BDH1: variants seen among roughly 807,000 people sequenced by gnomAD.
The protein encoded by BDH1 is 3-hydroxybutyrate dehydrogenase 1.
Under a neutral mutation model 33.1 loss-of-function variants are expected in BDH1, and 30 were observed. The observed-to-expected ratio is 0.91, with a 90% confidence interval of 0.68 to 1.23. The LOEUF is 1.23. BDH1 is among the 50% of genes most tolerant of loss of function. BDH1 has a pLI of 0.00. For synonymous variants in BDH1, 190 were observed against 183.6 expected (o/e 1.03, Z -0.28); for missense variants, 443 against 464.4 (o/e 0.95, Z 0.42).
At chr3:197,565,047 C>T (rs997394424) in intron 1 of BDH1, among the ~76,000 whole-genome samples, 7 of 152,168 alleles carry the variant, frequency 4.6e-5, no homozygotes, top group Non-Finnish European at 1.0e-4. Context: ...CTCAGCCTCC[C>T]TAGTAGCTGA....
rs1205687344 is a variant in BDH1 at position 197,514,780 on chromosome 3, T to C, written c.410-364A>G. ...CCATCCCCACACCCTGAGTTTGAGT[T>C]TCACGCCCCGTTCCTGTTTACTCAT... is the stretch of plus-strand genomic sequence containing the variant. On this transcript the variant is annotated intron_variant, in intron 6 of 7. Transcript: ENST00000392379. This position sits in a 1 kb window ranked among gnomAD's most constrained non-coding sequence, Gnocchi z 4.2. Among the ~76,000 whole-genome samples, 1 of 152,148 alleles carries C rather than the reference T, an allele frequency of 6.6e-6. No individual in the cohort carries two copies. Among genetic ancestry groups the C allele is most frequent in the African/African-American group, 2.4e-5 (1 of 41,438 alleles).
chr3:197,543,965 G>A (rs1220354352), intron 3 of BDH1, among the ~76,000 whole-genome samples: 1 of 152,134 alleles, frequency 6.6e-6, no homozygotes, highest in East Asian at 1.9e-4. Context: ...CCAAACACAG[G>A]AGGCCTGCTA....
chr3:197,542,679 G>A (rs11718875), intron 3 of BDH1, among the ~76,000 whole-genome samples: 79,498 of 151,484 alleles, frequency 0.52, 22,951 homozygotes, highest in African/African-American at 0.77. Flanking sequence ...ACACGCCACA[G>A]GCCCGGCTAA....
chr3:197,567,617 C>T (rs983529591), intron 1 of BDH1, among the ~76,000 whole-genome samples: 6 of 152,130 alleles, frequency 3.9e-5, no homozygotes, highest in African/African-American at 7.2e-5. Context: ...GGGCACATGT[C>T]GTCAGGACCG....
chr3:197,560,911 A>G (rs1717239863), upstream of BDH1, among the ~76,000 whole-genome samples: 1 of 151,744 alleles, frequency 6.6e-6, no homozygotes. Flanking sequence ...GTGACCTGGA[A>G]CCCACCTCCC....
intron 2 of BDH1, among the ~76,000 whole-genome samples, chr3:197,547,053 C>T (rs1345223938): frequency 1.3e-5 from 2 of 152,188 alleles, no homozygotes; most frequent in African/African-American, 4.8e-5. Context: ...ATCAGTAATT[C>T]ATTATAGCAT....
intron 2 of BDH1, among the ~76,000 whole-genome samples, chr3:197,547,123 C>A (rs570056124): frequency 6.7e-6 from 1 of 149,252 alleles, no homozygotes; most frequent in South Asian, 2.1e-4. Flanking sequence ...CACACCCTCC[C>A]CGCTCCCTCA....
In BDH1 at chr3:197,521,716, A is replaced by G. The variant is rs1432033482; in HGVS notation, c.409+924T>C. Among the ~76,000 whole-genome samples the G allele has an allele frequency of 6.6e-6, 1 of 151,972 alleles. No homozygotes were observed. Among genetic ancestry groups the G allele is most frequent in the South Asian group, 2.1e-4 (1 of 4,812 alleles). On this transcript the variant is annotated intron_variant, in intron 6 of 7. Transcript: ENST00000392379. The surrounding 1 kb of genome is among the most constrained non-coding windows in gnomAD (Gnocchi z 4.9). ...ACTTCGCGCCTCACCTCATCCCCAC[A>G]TCCAAGTCACCAAGTCCAGGCAGCT...
chr3:197,545,585 G>A (rs564570893), intron 3 of BDH1, among the ~76,000 whole-genome samples: 2 of 152,308 alleles, frequency 1.3e-5, no homozygotes, highest in East Asian at 1.9e-4. Flanking sequence ...TGACACCTCC[G>A]AGCCATGTGG....
chr3:197,550,325 C>T (rs1452373368), intron 2 of BDH1, among the ~76,000 whole-genome samples: 2 of 152,198 alleles, frequency 1.3e-5, no homozygotes, highest in African/African-American at 4.8e-5. Flanking sequence ...ACACCTTGAT[C>T]GTCCTGAGAG....
intron 6 of BDH1, among the ~76,000 whole-genome samples, chr3:197,517,456 C>T (rs1193926712): frequency 1.3e-5 from 1 of 76,534 alleles, no homozygotes; most frequent in Non-Finnish European, 2.8e-5. Flanking sequence ...CCCCCTCAGG[C>T]CGACCCCCTC....
chr3:197,526,791 C>A lies in BDH1; in HGVS notation c.268-4010G>T, dbSNP rs1293301740. Among the ~76,000 whole-genome samples the A allele has an allele frequency of 6.6e-6, 1 of 152,302 alleles. No homozygotes were observed. Among genetic ancestry groups the A allele is most frequent in the South Asian group, 2.1e-4 (1 of 4,826 alleles). On this transcript the variant is annotated intron_variant, in intron 5 of 7. Coordinates refer to ENST00000392379, the MANE Select transcript of BDH1 (RefSeq NM_203314.3). This position sits in a 1 kb window ranked among gnomAD's most constrained non-coding sequence, Gnocchi z 4.7. ...GAGCCACTCCTGTCTCAATCTCGGG[C>A]CTTTAGACTTCTTCTGGTGGACATT... is the stretch of plus-strand genomic sequence containing the variant.
rs2108693029 is a variant in BDH1, at chr3:197,511,586, T to G, written c.*309A>C. ...TCATGAGACTGGCTTAAGGATCAAA[T>G]GAGATCTGTTTTTAATATAAAGATG... is the stretch of plus-strand genomic sequence containing the variant. On this transcript the variant is annotated 3_prime_UTR_variant, in exon 8 of 8. Transcript: ENST00000392379. The G allele has an allele frequency of 2.7e-6, 1 of 376,362 alleles. No individual in the cohort carries two copies. The highest frequency in any genetic ancestry group is 4.7e-6 in the Non-Finnish European group (1 of 210,980). 23.3% of individuals were successfully genotyped at this position (376,362 alleles called of 1,614,324 possible).
chr3:197,535,602 A>AGAGCT (rs1223158343), intron 3 of BDH1, among the ~76,000 whole-genome samples: 4 of 152,212 alleles, frequency 2.6e-5, no homozygotes, highest in African/African-American at 4.8e-5. Context: ...CTAACTAGTG[A>AGAGCT]AACCAAGGCT....
Position 197,531,513 on chromosome 3 carries a change from G to GA in BDH1, c.267+898dup, listed in dbSNP as rs569369421. On this transcript the variant is annotated intron_variant, in intron 5 of 7. Transcript: ENST00000392379. ...CAGAATACCACTCAGCAATACAAAG[G>GA]AATGAGCTACTGATGCATTCTGCAA... 1.1e-4 allele frequency among the ~76,000 whole-genome samples: 17 copies of GA among 149,892 alleles called. 1 individual carries two copies. In the South Asian group the frequency reaches 3.1e-3, roughly 28 times the overall value.
chr3:197,549,975 T>TTATTTATATATATATA (rs1553875236), intron 2 of BDH1, among the ~76,000 whole-genome samples: 1 of 146,890 alleles, frequency 6.8e-6, no homozygotes, highest in African/African-American at 2.7e-5. Context: ...CAAATAACTA[T>TTATTTATATATATATA]TATATATATA....
At position 197,516,453 on chromosome 3, in the gene BDH1, C is replaced by T. The variant is rs1712735540; in HGVS notation, c.410-2037G>A. Among the ~76,000 whole-genome samples the T allele has an allele frequency of 6.6e-6, 1 of 152,044 alleles. No homozygotes were observed. On this transcript the variant is annotated intron_variant, in intron 6 of 7. Coordinates refer to ENST00000392379, the MANE Select transcript of BDH1 (RefSeq NM_203314.3). This position sits in a 1 kb window ranked among gnomAD's most constrained non-coding sequence, Gnocchi z 4.2. ...TTTAATGAGTGTTGAGAGTGGTGGA[C>T]CTAGTTGCCATCTGGAATCCTCAGC... is the stretch of plus-strand genomic sequence containing the variant.
intron 2 of BDH1, among the ~76,000 whole-genome samples, chr3:197,548,848 C>T (rs1325231871): frequency 2.0e-5 from 3 of 149,878 alleles, no homozygotes; most frequent in Admixed American, 1.3e-4. Flanking sequence ...AAGGCTCCGT[C>T]TCAAAAACAA....
rs1270874729 is a variant in BDH1, at chr3:197,516,636, T to C, written c.410-2220A>G. Among the ~76,000 whole-genome samples the C allele has an allele frequency of 1.3e-5, 2 of 152,088 alleles. No individual in the cohort carries two copies. On this transcript the variant is annotated intron_variant, in intron 6 of 7. Coordinates refer to ENST00000392379, the MANE Select transcript of BDH1 (RefSeq NM_203314.3). This position sits in a 1 kb window ranked among gnomAD's most constrained non-coding sequence, Gnocchi z 4.2. ...TCCCATCTCCTGTCTCGCTTCCACC[T>C]GAATGTCCCACGGGTCCCTGACTCA... is the stretch of plus-strand genomic sequence containing the variant.
Sources: allele counts gnomAD v4.1 joint callset (sites outside exome capture counted in the v4.1 genomes callset), GRCh38; gene constraint gnomAD v4.1.1; non-coding constraint Gnocchi (gnomAD v3.1); transcripts MANE v1.5; gene names NCBI Gene and HGNC (gene_info 2026-07-23, HGNC 2026-07-21).